The following ZMAT4 variants were observed in gnomAD, a reference collection of about 807,000 sequenced individuals.
ZMAT4 encodes the protein zinc finger matrin-type 4, also known as zinc finger matrin-type protein 4.
In ZMAT4, 17 loss-of-function variants were observed where a neutral mutation model predicts 28.7. That is an observed-to-expected ratio of 0.59 (90% CI 0.41 to 0.89). The LOEUF (loss-of-function observed/expected upper bound fraction) is 0.89. Ranked by LOEUF, ZMAT4 falls within the 40% of genes least tolerant of loss-of-function variation. ZMAT4 has a pLI of 0.00. For missense variants in ZMAT4, 240 were observed against 283.8 expected, an observed-to-expected ratio of 0.85 and a Z score of 1.11; for synonymous variants, 117 against 109.2, an observed-to-expected ratio of 1.07 and a Z score of -0.44.
At chr8:40,859,434 G>T (rs982658476) in intron 1 of ZMAT4, among the ~76,000 whole-genome samples, 6 of 151,870 alleles carry the variant, frequency 4.0e-5, no homozygotes, top group Admixed American at 3.3e-4. Flanking sequence ...CCCTGCCGGT[G>T]GCAGTAGAAG....
intron 2 of ZMAT4, among the ~76,000 whole-genome samples, chr8:40,784,290 C>T (rs992227265): frequency 1.5e-4 from 23 of 152,136 alleles, no homozygotes; most frequent in African/African-American, 5.3e-4. Flanking sequence ...ATATTATTCA[C>T]CACATTAATA....
chr8:40,536,068 A>T (rs190336071), intron 6 of ZMAT4, among the ~76,000 whole-genome samples: 1 of 152,344 alleles, frequency 6.6e-6, no homozygotes, highest in East Asian at 1.9e-4. Context: ...ACTGAATGAC[A>T]TCCAAGGACA....
intron 2 of ZMAT4, among the ~76,000 whole-genome samples, chr8:40,789,392 G>A (rs1221658485): frequency 6.6e-6 from 1 of 152,106 alleles, no homozygotes; most frequent in Non-Finnish European, 1.5e-5. Context: ...TAGCCAGCAT[G>A]ATAAGGCAAG....
intron 6 of ZMAT4, among the ~76,000 whole-genome samples, chr8:40,543,485 A>G (rs1803106839): frequency 6.6e-6 from 1 of 152,156 alleles, no homozygotes. Flanking sequence ...CACCCCAAAT[A>G]ACGATATCCT....
At chr8:40,562,072 C>T (rs371808283) in intron 6 of ZMAT4, among the ~76,000 whole-genome samples, 7 of 152,190 alleles carry the variant, frequency 4.6e-5, no homozygotes, top group African/African-American at 1.4e-4. Context: ...TTGGACGATA[C>T]GTCTTCTCCC....
chr8:40,613,217 CTG>C (rs1312201925), intron 5 of ZMAT4, among the ~76,000 whole-genome samples: 1 of 115,956 alleles, frequency 8.6e-6, no homozygotes, highest in Non-Finnish European at 1.6e-5. Context: ...GAGTCTCACT[CTG>C]TCACTCAGGC....
chr8:40,548,721 TAAAAC>T (rs564378701), intron 6 of ZMAT4, among the ~76,000 whole-genome samples: 4 of 151,960 alleles, frequency 2.6e-5, no homozygotes, highest in Admixed American at 6.6e-5. Context: ...AATAGAGTCT[TAAAAC>T]AAAACAAAAC....
At chr8:40,638,173 A>G (rs981779333) in intron 5 of ZMAT4, among the ~76,000 whole-genome samples, 1 of 152,186 alleles carries the variant, frequency 6.6e-6, no homozygotes, top group Non-Finnish European at 1.5e-5. Context: ...GTTAATAATC[A>G]TGTATTGTAT....
rs551134152 is a variant in ZMAT4, at chr8:40,552,903, A to G, written c.675-20665T>C. On this transcript the variant is annotated intron_variant, in intron 6 of 6. Coordinates refer to ENST00000297737, the MANE Select transcript of ZMAT4 (RefSeq NM_024645.3). ...AACTTAACTTGCTTCTAACAAATAG[A>G]AAAAAATGTAGTAGCCACTTATGCC... Among the ~76,000 whole-genome samples the G allele has an allele frequency of 2.0e-5, 3 of 152,258 alleles. No individual in the cohort carries two copies. In the East Asian group the frequency reaches 5.8e-4, roughly 29 times the overall value.
chr8:40,537,016 C>T (rs1476961195), intron 6 of ZMAT4, among the ~76,000 whole-genome samples: 1 of 151,946 alleles, frequency 6.6e-6, no homozygotes, highest in Non-Finnish European at 1.5e-5. Context: ...TGTATGACAA[C>T]CAAATCTTCA....
chr8:40,887,925 C>T (rs1447928718), intron 1 of ZMAT4, among the ~76,000 whole-genome samples: 2 of 152,064 alleles, frequency 1.3e-5, no homozygotes, highest in Admixed American at 6.5e-5. Flanking sequence ...ACAAAGTTCA[C>T]GCCAGGTCTC....
At chr8:40,726,659 C>T (rs1306869940) in intron 3 of ZMAT4, among the ~76,000 whole-genome samples, 1 of 152,198 alleles carries the variant, frequency 6.6e-6, no homozygotes, top group African/African-American at 2.4e-5. Flanking sequence ...CAACACAAAC[C>T]TAGCCCACTG....
chr8:40,549,304 C>T (rs1803295991), intron 6 of ZMAT4, among the ~76,000 whole-genome samples: 1 of 152,042 alleles, frequency 6.6e-6, no homozygotes, highest in African/African-American at 2.4e-5. Flanking sequence ...ACTAAGACAC[C>T]CTCCCTTTAC....
Position 40,581,145 on chromosome 8 carries a change from G to T in ZMAT4, c.674+20C>A, listed in dbSNP as rs374582690. On this transcript the variant is annotated intron_variant, in intron 6 of 6. Coordinates refer to ENST00000297737, the MANE Select transcript of ZMAT4 (RefSeq NM_024645.3). Reference sequence around the variant, plus strand: ...AATTACATCGAAGAAACTGAAGAGTGAAAGCACAAAAGTACCTACTTGGTC... The same window carrying T: ...AATTACATCGAAGAAACTGAAGAGTTAAAGCACAAAAGTACCTACTTGGTC... 80 of 1,602,306 alleles carry T rather than the reference G, an allele frequency of 5.0e-5. No individual in the cohort carries two copies. Among genetic ancestry groups the T allele is most frequent in the Non-Finnish European group, 6.4e-5 (75 of 1,170,552 alleles).
chr8:40,641,736 AT>A (rs1563380971), intron 5 of ZMAT4, among the ~76,000 whole-genome samples: 1 of 152,074 alleles, frequency 6.6e-6, no homozygotes. Context: ...TTCTTAGCAA[AT>A]TTTTAAGTAT....
chr8:40,718,917 A>C (rs1470773756), intron 3 of ZMAT4, among the ~76,000 whole-genome samples: 1 of 152,082 alleles, frequency 6.6e-6, no homozygotes, highest in African/African-American at 2.4e-5. Context: ...ACATATATAC[A>C]CTTTCCAAGG....
intron 2 of ZMAT4, among the ~76,000 whole-genome samples, chr8:40,815,819 G>T (rs955579053): frequency 6.6e-6 from 1 of 152,152 alleles, no homozygotes; most frequent in Non-Finnish European, 1.5e-5. Flanking sequence ...TTATTCTTTT[G>T]CCTTTTAGAC....
At chr8:40,715,017 C>T (rs982283967) in intron 3 of ZMAT4, among the ~76,000 whole-genome samples, 26 of 131,360 alleles carry the variant, frequency 2.0e-4, no homozygotes, top group African/African-American at 6.9e-4. Flanking sequence ...CCACTGCACT[C>T]CAGCCTGGCG....
chr8:40,785,817 CT>C (rs1417209049), intron 2 of ZMAT4, among the ~76,000 whole-genome samples: 5 of 152,178 alleles, frequency 3.3e-5, no homozygotes, highest in Non-Finnish European at 5.9e-5. Context: ...ATGCATAACC[CT>C]TTCCCTCCCA....
Sources: gnomAD v4.1 joint callset for allele counts (sites outside exome capture counted in the v4.1 genomes callset) on GRCh38, gnomAD v4.1.1 for gene constraint, MANE v1.5 for transcripts, NCBI Gene and HGNC (gene_info 2026-07-23, HGNC 2026-07-21) for gene names.